The following GLI3 variants were observed in gnomAD, a reference collection of about 807,000 sequenced individuals.
The protein encoded by GLI3 is GLI family zinc finger 3.
Under a neutral mutation model 100.8 loss-of-function variants are expected in GLI3, and 20 were observed. The observed-to-expected ratio is 0.20, with a 90% CI of 0.14 to 0.29. The LOEUF is 0.29. Ranked by LOEUF, GLI3 falls within the 10% of genes least tolerant of loss-of-function variation. GLI3 has a pLI of 1.00. For missense variants in GLI3, 2,040 were observed against 2,128.5 expected, an observed-to-expected ratio of 0.96 and a Z score of 0.82; for synonymous variants, 938 against 860.5, an observed-to-expected ratio of 1.09 and a Z score of -1.58.
chr7:42,190,656 T>C (rs2128687767), intron 2 of GLI3, among the ~76,000 whole-genome samples: 1 of 152,240 alleles, frequency 6.6e-6, no homozygotes, highest in Admixed American at 6.5e-5. Flanking sequence ...GATTAAGACA[T>C]ATGGAAAAAA....
intron 1 of GLI3, among the ~76,000 whole-genome samples, chr7:42,228,965 G>C (rs1788639498): frequency 6.6e-6 from 1 of 152,146 alleles, no homozygotes; most frequent in African/African-American, 2.4e-5. Context: ...GAAAAAATTA[G>C]CTTTTCTCCT....
rs977896556 is a variant in GLI3 at position 42,144,473 on chromosome 7, G to A, written c.367+3753C>T. On this transcript the variant is annotated intron_variant, in intron 3 of 14. Coordinates refer to ENST00000395925, the MANE Select transcript of GLI3 (RefSeq NM_000168.6). ...TGAGAGAATACCCCCGTATCCCCCC[G>A]GGAGATTTTATTCTAAACATATGCT... Among the ~76,000 whole-genome samples, 12 of 152,040 alleles carry A rather than the reference G, an allele frequency of 7.9e-5. No individual in the cohort carries two copies. In the South Asian group the frequency reaches 8.3e-4, roughly 11 times the overall value.
At position 41,965,789 on chromosome 7, in the gene GLI3, T is replaced by G; in HGVS notation, c.3284A>C (p.Asp1095Ala). The change falls in exon 15 of 15, where the codon GAC becomes GCC. Residue 1095 changes from aspartate to alanine, a missense_variant. By Grantham distance (126) the Asp-to-Ala change is moderately radical (BLOSUM62 -2). Around this residue, in one of 5 missense-constraint regions of GLI3, gnomAD observed 1,041 missense variants for 924.0 expected, o/e 1.13. Transcript: ENST00000395925. The stretch of plus-strand genomic sequence containing the variant: ...CTGGGAATTTAAATACTGCACCACG[T>G]CGTCCGGCAGGAAATCCTCATCGTT... Reference protein sequence around the residue: ...NLNDEDFLPDDVVQYLNSQNQ... With the variant: ...NLNDEDFLPDAVVQYLNSQNQ... 1 of 1,613,294 alleles carries G rather than the reference T, an allele frequency of 6.2e-7. No homozygotes were observed. Among genetic ancestry groups the G allele is most frequent in the Non-Finnish European group, 8.5e-7 (1 of 1,179,944 alleles).
chr7:41,961,487 T>C lies in GLI3; in HGVS notation c.*2843A>G, dbSNP rs1044106569. On this transcript the variant is annotated 3_prime_UTR_variant, in exon 15 of 15. Transcript: ENST00000395925. ...CACATACATCGCAAGAATCAAAACT[T>C]TGTGGCTCAAGAGGAAGAGCCAATG... 1.2e-4 allele frequency: 19 copies of C among 152,654 alleles called. No homozygotes were observed. Among genetic ancestry groups the C allele is most frequent in the African/African-American group, 3.9e-4 (16 of 41,540 alleles). 9.5% of individuals were successfully genotyped at this position (152,654 alleles called of 1,614,324 possible). A position where few individuals can be genotyped will look rare whatever the true frequency, so the allele number is the denominator to read the frequency against.
chr7:42,031,686 T>G (rs536348873), intron 7 of GLI3, among the ~76,000 whole-genome samples: 17 of 152,338 alleles, frequency 1.1e-4, no homozygotes, highest in African/African-American at 4.1e-4. Flanking sequence ...GAGAAAAATG[T>G]GGTTGTTAGA....
In GLI3 at chr7:42,001,148, G is replaced by A. The variant is rs541243275; in HGVS notation, c.1497+22320C>T. ...TAATCCCAGCTACGCAGGAGGCTGAGGCAGGAGAATCATTTGACTGTGGGA... is the reference window on the plus strand; with the variant it reads ...TAATCCCAGCTACGCAGGAGGCTGAAGCAGGAGAATCATTTGACTGTGGGA... On this transcript the variant is annotated intron_variant, in intron 10 of 14. Transcript: ENST00000395925. 3.3e-5 allele frequency among the ~76,000 whole-genome samples: 5 copies of A among 150,624 alleles called. No individual in the cohort carries two copies. The South Asian group carries it at 1.1e-3, about 32-fold the overall frequency.
At chr7:42,084,483 G>A (rs846292) in intron 3 of GLI3, among the ~76,000 whole-genome samples, 2 of 152,006 alleles carry the variant, frequency 1.3e-5, no homozygotes, top group Non-Finnish European at 2.9e-5. Flanking sequence ...CCACATCTAC[G>A]TACTGGCTGA....
chr7:42,105,718 C>A (rs967945289), intron 3 of GLI3, among the ~76,000 whole-genome samples: 9 of 152,142 alleles, frequency 5.9e-5, no homozygotes, highest in African/African-American at 1.7e-4. Context: ...CCACTTAGGG[C>A]TGGGCCTTAA....
At chr7:42,086,208 T>C (rs1281887465) in intron 3 of GLI3, among the ~76,000 whole-genome samples, 1 of 152,208 alleles carries the variant, frequency 6.6e-6, no homozygotes, top group Non-Finnish European at 1.5e-5. Flanking sequence ...CATTTATTTC[T>C]TCCTGGGGCC....
chr7:41,995,511 A>G (rs1045524329), intron 10 of GLI3, among the ~76,000 whole-genome samples: 3 of 152,078 alleles, frequency 2.0e-5, no homozygotes, highest in African/African-American at 7.2e-5. Context: ...CTTACCTAAT[A>G]GTGCACCATG....
rs766051683 is a variant in GLI3 at position 41,966,319 on chromosome 7, C to A, written c.2754G>T (p.Leu918=). The A allele has an allele frequency of 1.9e-6, 3 of 1,607,598 alleles. No individual in the cohort carries two copies. The highest frequency in any genetic ancestry group is 1.7e-6 in the Non-Finnish European group (2 of 1,179,164). ...EASQSDGLPS[L]LSLTPAQQYR... ...ACTGCTGGGCGGGCGTGAGGCTGAG[C>A]AGGCTGGGCAGGCCGTCGCTCTGGC... The change falls in exon 15 of 15, where the codon CTG becomes CTT. Residue 918 remains leucine (L), a synonymous_variant. Coordinates refer to ENST00000395925, the MANE Select transcript of GLI3 (RefSeq NM_000168.6). This position sits in a 1 kb window ranked among gnomAD's most constrained non-coding sequence, Gnocchi z 5.8.
chr7:42,171,446 C>CT (rs1223059623), intron 2 of GLI3, among the ~76,000 whole-genome samples: 1 of 152,168 alleles, frequency 6.6e-6, no homozygotes, highest in African/African-American at 2.4e-5. Context: ...AGAAAAAAGA[C>CT]TAGAAGGAAA....
intron 10 of GLI3, among the ~76,000 whole-genome samples, chr7:42,002,462 T>C (rs1050576290): frequency 6.6e-6 from 1 of 152,242 alleles, no homozygotes; most frequent in African/African-American, 2.4e-5. Flanking sequence ...CATAATCACC[T>C]GAGATTTAAT....
Position 42,158,844 on chromosome 7 carries a change from G to A in GLI3, c.125-10376C>T, listed in dbSNP as rs115441644. On this transcript the variant is annotated intron_variant, in intron 2 of 14. Coordinates refer to ENST00000395925, the MANE Select transcript of GLI3 (RefSeq NM_000168.6). ...TATTCTGCCTCTTCCTCTAAAGGCC[G>A]TCAGGAAGAATACTACAGACTTTAA... Among the ~76,000 whole-genome samples the A allele has an allele frequency of 7.7e-3, 1,168 of 152,234 alleles. 16 individuals are homozygous for A. The highest frequency in any genetic ancestry group is 0.027 in the African/African-American group (1,111 of 41,526).
intron 3 of GLI3, among the ~76,000 whole-genome samples, chr7:42,104,758 T>C (rs1272572769): frequency 6.6e-6 from 1 of 152,092 alleles, no homozygotes; most frequent in Non-Finnish European, 1.5e-5. Flanking sequence ...TTCATAAGGG[T>C]GGAGCCCTTA....
At chr7:42,147,112 G>C (rs558531592) in intron 3 of GLI3, among the ~76,000 whole-genome samples, 15 of 152,104 alleles carry the variant, frequency 9.9e-5, no homozygotes, top group East Asian at 5.8e-4. Context: ...AATCTGGTTG[G>C]GGGGGAGGTG....
chr7:41,972,314 CAGA>C lies in GLI3; in HGVS notation c.2103+20_2103+22del, dbSNP rs2128709871. ...CTTTTAAATGGGCCTGCTGTGAAGT[CAGA>C]AGGAGAGTGAATGACATACCATTGG... On this transcript the variant is annotated intron_variant, in intron 13 of 14. Coordinates refer to ENST00000395925, the MANE Select transcript of GLI3 (RefSeq NM_000168.6). The surrounding 1 kb of genome is among the most constrained non-coding windows in gnomAD (Gnocchi z 4.4). The C allele has an allele frequency of 1.2e-6, 2 of 1,610,486 alleles. No individual in the cohort carries two copies. Among genetic ancestry groups the C allele is most frequent in the South Asian group, 2.2e-5 (2 of 90,936 alleles).
At chr7:42,009,001 A>T (rs867641731) in intron 10 of GLI3, among the ~76,000 whole-genome samples, 3 of 152,214 alleles carry the variant, frequency 2.0e-5, no homozygotes, top group Non-Finnish European at 4.4e-5. Context: ...TCATCCTGGA[A>T]ACAGGTACAC....
At chr7:42,183,626 C>T (rs1787661321) in intron 2 of GLI3, among the ~76,000 whole-genome samples, 1 of 152,148 alleles carries the variant, frequency 6.6e-6, no homozygotes, top group Admixed American at 6.5e-5. Flanking sequence ...AGCCTGAAGA[C>T]TTCCCAATCC....
Sources: allele counts gnomAD v4.1 joint callset (sites outside exome capture counted in the v4.1 genomes callset), GRCh38; gene constraint gnomAD v4.1.1; regional missense constraint gnomAD v4.1.1; non-coding constraint Gnocchi (gnomAD v3.1); transcripts MANE v1.5; gene names NCBI Gene and HGNC (gene_info 2026-07-23, HGNC 2026-07-21).